The following AUTS2 variants were observed in gnomAD, a reference collection of about 807,000 sequenced individuals.
AUTS2 encodes the protein activator of transcription and developmental regulator AUTS2.
Under a neutral mutation model 112.4 loss-of-function variants are expected in AUTS2, and 17 were observed. The observed-to-expected ratio is 0.15, with a 90% CI of 0.10 to 0.23. The LOEUF is 0.23. Among genes scored for constraint, AUTS2 ranks in the 10% least tolerant of loss-of-function variants. The probability of loss-of-function intolerance (pLI) is 1.00; values close to 1 mark genes in which losing one functional copy is unlikely to be tolerated. For synonymous variants in AUTS2, 751 were observed against 702.7 expected (o/e 1.07, Z -1.09); for missense variants, 1,510 against 1,701.6 (o/e 0.89, Z 1.98).
At chr7:70,241,945 G>A (rs185104323) in intron 4 of AUTS2, among the ~76,000 whole-genome samples, 391 of 152,286 alleles carry the variant, frequency 2.6e-3, no homozygotes, top group Admixed American at 3.5e-3. Context: ...TGGCTGAAGT[G>A]GTAGGAAGTT....
At chr7:70,242,666 TTCAACCTGGTTTC>T (rs1326006701) in intron 4 of AUTS2, among the ~76,000 whole-genome samples, 2 of 152,178 alleles carry the variant, frequency 1.3e-5, no homozygotes, top group Non-Finnish European at 2.9e-5. Context: ...GTTAATCTTA[TTCAACCTGGTTTC>T]TCATCCCTTC....
intron 1 of AUTS2, among the ~76,000 whole-genome samples, chr7:69,615,561 C>T (rs1175652474): frequency 6.6e-6 from 1 of 152,150 alleles, no homozygotes; most frequent in Non-Finnish European, 1.5e-5. Context: ...CCTCAGCCTC[C>T]CAAAGTGCTG....
At chr7:70,148,951 C>T (rs1012596823) in intron 4 of AUTS2, among the ~76,000 whole-genome samples, 3 of 152,008 alleles carry the variant, frequency 2.0e-5, no homozygotes, top group African/African-American at 7.2e-5. Flanking sequence ...TAACATATTT[C>T]ATTACTTTTC....
At chr7:70,043,591 TCC>T (rs1563060788) in intron 2 of AUTS2, among the ~76,000 whole-genome samples, 131 of 111,194 alleles carry the variant, frequency 1.2e-3, no homozygotes, top group East Asian at 6.5e-3. Context: ...CTTCCTTCCT[TCC>T]TTCCTTCCTT....
intron 5 of AUTS2, among the ~76,000 whole-genome samples, chr7:70,511,919 A>G (rs1022126372): frequency 4.6e-5 from 7 of 151,988 alleles, no homozygotes; most frequent in African/African-American, 1.4e-4. Context: ...TCACTCTTCA[A>G]AGTGTCCTGG....
chr7:69,917,877 C>G (rs1294053880), intron 2 of AUTS2, among the ~76,000 whole-genome samples: 3 of 151,814 alleles, frequency 2.0e-5, no homozygotes, highest in African/African-American at 4.8e-5. Flanking sequence ...GAGTCTCGCT[C>G]TGTCGCCCAG....
Position 70,721,984 on chromosome 7 carries a change from T to C in AUTS2, c.742+23364T>C, listed in dbSNP as rs1228831252. On this transcript the variant is annotated intron_variant, in intron 6 of 18. Coordinates refer to ENST00000342771, the MANE Select transcript of AUTS2 (RefSeq NM_015570.4). The stretch of plus-strand genomic sequence containing the variant: ...AATGTTATCTAGGATATAATTCATA[T>C]TGAACTTTCCTTGCTTGTTTCCAAA... 2.8e-4 allele frequency among the ~76,000 whole-genome samples: 43 copies of C among 152,214 alleles called. 1 individual carries two copies. The highest frequency in any genetic ancestry group is 2.7e-3 in the Admixed American group (41 of 15,280).
intron 6 of AUTS2, among the ~76,000 whole-genome samples, chr7:70,702,333 T>C (rs1219412418): frequency 1.3e-5 from 2 of 152,070 alleles, no homozygotes; most frequent in Non-Finnish European, 2.9e-5. Flanking sequence ...CCTGAATTGC[T>C]CTCCCTTCTT....
intron 5 of AUTS2, among the ~76,000 whole-genome samples, chr7:70,697,651 G>A (rs1005228091): frequency 6.8e-6 from 1 of 146,488 alleles, no homozygotes; most frequent in African/African-American, 2.5e-5. Flanking sequence ...TGTGTATCAA[G>A]TGTGAAAGAT....
intron 1 of AUTS2, among the ~76,000 whole-genome samples, chr7:69,816,403 G>A (rs543739014): frequency 1.3e-5 from 2 of 152,264 alleles, no homozygotes; most frequent in South Asian, 2.1e-4. Flanking sequence ...TGTCTAGGAC[G>A]GAGCTGAAAC....
At position 70,139,988 on chromosome 7, in the gene AUTS2, C is replaced by T. The variant is rs924031733; in HGVS notation, c.660+5417C>T. On this transcript the variant is annotated intron_variant, in intron 4 of 18. Transcript: ENST00000342771. ...TGCACTCCAGCCTGGGTGACAAGAG[C>T]GAGATCTCAAAAAAAATTTATAAAT... Among the ~76,000 whole-genome samples the T allele has an allele frequency of 7.9e-5, 12 of 151,962 alleles. No homozygotes were observed. The East Asian group carries it at 1.5e-3, about 20-fold the overall frequency.
intron 1 of AUTS2, among the ~76,000 whole-genome samples, chr7:69,898,993 G>A (rs559278633): frequency 3.9e-5 from 6 of 152,258 alleles, no homozygotes; most frequent in South Asian, 2.1e-4. Flanking sequence ...GCACCAAATC[G>A]AACAGAAAGC....
rs544526967 is a variant in AUTS2, at chr7:70,684,569, C to T, written c.691-14000C>T. On this transcript the variant is annotated intron_variant, in intron 5 of 18. Transcript: ENST00000342771. ...TGTGGCGTGGCGTGGCGTGTTGTGG[C>T]GTGGTATGGTGTGGCGTGGCATGTT... 1.7e-3 allele frequency among the ~76,000 whole-genome samples: 228 copies of T among 132,440 alleles called. 1 individual carries two copies. The highest frequency in any genetic ancestry group is 0.012 in the South Asian group (46 of 3,902). The allele number at this position is 132,440 out of a possible 152,430, so 86.9% of individuals were successfully genotyped here.
chr7:70,116,180 T>A (rs1584745457), intron 2 of AUTS2, among the ~76,000 whole-genome samples: 1 of 152,298 alleles, frequency 6.6e-6, no homozygotes, highest in East Asian at 1.9e-4. Flanking sequence ...GAAAACTAAG[T>A]ACTTAAGAGC....
intron 4 of AUTS2, among the ~76,000 whole-genome samples, chr7:70,394,604 G>T (rs911972141): frequency 2.6e-5 from 4 of 152,182 alleles, no homozygotes; most frequent in African/African-American, 9.7e-5. Flanking sequence ...AACATATGTG[G>T]CCTATTAAAT....
rs976829916 is a variant in AUTS2, at chr7:70,579,329, A to C, written c.691-119240A>C. On this transcript the variant is annotated intron_variant, in intron 5 of 18. Coordinates refer to ENST00000342771, the MANE Select transcript of AUTS2 (RefSeq NM_015570.4). Reference sequence around the variant, plus strand: ...TTTGCTATCTCAGTATGCAATGCTGAGAAGTGTCACTTTAACAGACTTAAT... The same window carrying C: ...TTTGCTATCTCAGTATGCAATGCTGCGAAGTGTCACTTTAACAGACTTAAT... Among the ~76,000 whole-genome samples, 3 of 150,336 alleles carry C rather than the reference A, an allele frequency of 2.0e-5. No individual in the cohort carries two copies. In the South Asian group the frequency reaches 6.5e-4, roughly 32 times the overall value.
chr7:70,088,673 C>T (rs1307571629), intron 2 of AUTS2, among the ~76,000 whole-genome samples: 3 of 151,626 alleles, frequency 2.0e-5, no homozygotes, highest in African/African-American at 2.4e-5. Context: ...CGTGCAATGG[C>T]GCGATCTCGG....
chr7:70,545,115 T>G (rs1800718475), intron 5 of AUTS2, among the ~76,000 whole-genome samples: 1 of 152,160 alleles, frequency 6.6e-6, no homozygotes, highest in Non-Finnish European at 1.5e-5. Context: ...ATTCAGGCCT[T>G]GAATTTCAAG....
intron 1 of AUTS2, among the ~76,000 whole-genome samples, chr7:69,690,880 G>A (rs1004152383): frequency 6.6e-6 from 1 of 152,206 alleles, no homozygotes; most frequent in Admixed American, 6.5e-5. Flanking sequence ...ACCAGAGGGT[G>A]AGCAAGGCGG....
Sources: allele counts gnomAD v4.1 joint callset (sites outside exome capture counted in the v4.1 genomes callset), GRCh38; gene constraint gnomAD v4.1.1; transcripts MANE v1.5; gene names NCBI Gene and HGNC (gene_info 2026-07-23, HGNC 2026-07-21).